Variants in FAR2 observed in about 807,000 individuals in gnomAD.
The protein encoded by FAR2 is fatty acyl-CoA reductase 2, also known as epididymis secretory protein Li 81.
Under a neutral mutation model 56.0 loss-of-function variants are expected in FAR2, and 19 were observed. The ratio of observed to expected loss-of-function variants is 0.34; its 90% confidence interval spans 0.24 to 0.50. The LOEUF is 0.50. FAR2 is among the 20% of genes least tolerant of loss of function. FAR2 has a pLI of 0.98. For synonymous variants in FAR2, 219 were observed against 218.8 expected (o/e 1.00, Z -0.01); for missense variants, 508 against 642.2 (o/e 0.79, Z 2.26).
At chr12:29,330,091 C>T (rs1382549521) in intron 10 of FAR2, among the ~76,000 whole-genome samples, 4 of 132,180 alleles carry the variant, frequency 3.0e-5, no homozygotes, top group Admixed American at 8.1e-5. Context: ...ATGTCTTGCT[C>T]TGTTGCCCAG....
In FAR2 at chr12:29,333,748, A is replaced by G; in HGVS notation, c.1502A>G (p.Tyr501Cys). Reference sequence around the variant, plus strand: ...TGGTTCTTCATTGTAAGCTTCTGTTATAAATTCCTCTCCTACTTTAGAGCA... The same window carrying G: ...TGGTTCTTCATTGTAAGCTTCTGTTGTAAATTCCTCTCCTACTTTAGAGCA... Reference protein sequence around the residue: ...NVWFFIVSFCYKFLSYFRASS... With the variant: ...NVWFFIVSFCCKFLSYFRASS... The change falls in exon 12 of 12, where the codon TAT becomes TGT. Residue 501 changes from tyrosine to cysteine, a missense_variant. By Grantham distance (194) the Tyr-to-Cys change is radical. Coordinates refer to ENST00000536681, the MANE Select transcript of FAR2 (RefSeq NM_001271783.2). The G allele has an allele frequency of 1.2e-6, 2 of 1,613,842 alleles. No homozygotes were observed. Among genetic ancestry groups the G allele is most frequent in the Non-Finnish European group, 1.7e-6 (2 of 1,179,782 alleles).
At chr12:29,166,650 C>T (rs1157200956) in intron 1 of FAR2, among the ~76,000 whole-genome samples, 1 of 152,198 alleles carries the variant, frequency 6.6e-6, no homozygotes, top group Non-Finnish European at 1.5e-5. Context: ...ATGCTTTGAC[C>T]TCACACTTTC....
intron 1 of FAR2, among the ~76,000 whole-genome samples, chr12:29,174,882 G>A (rs181673666): frequency 1.7e-4 from 26 of 152,308 alleles, no homozygotes; most frequent in African/African-American, 6.3e-4. Context: ...ATGGCCACAA[G>A]GTCAACCAAC....
At chr12:29,274,651 C>G (rs1050923020) in intron 2 of FAR2, among the ~76,000 whole-genome samples, 3 of 151,964 alleles carry the variant, frequency 2.0e-5, no homozygotes, top group Admixed American at 6.6e-5. Flanking sequence ...GACATTCCAC[C>G]ACAAAAGATG....
chr12:29,189,990 G>A (rs1176374412), intron 1 of FAR2, among the ~76,000 whole-genome samples: 1 of 152,106 alleles, frequency 6.6e-6, no homozygotes, highest in Non-Finnish European at 1.5e-5. Context: ...AGGAGAATGA[G>A]GGGAAATAGA....
At chr12:29,190,506 C>T (rs1417955403) in intron 1 of FAR2, among the ~76,000 whole-genome samples, 1 of 151,842 alleles carries the variant, frequency 6.6e-6, no homozygotes, top group Admixed American at 6.6e-5. Flanking sequence ...CTCTTGTTGC[C>T]CATGCTGGAG....
intron 1 of FAR2, among the ~76,000 whole-genome samples, chr12:29,265,128 T>A (rs1376205977): frequency 6.6e-6 from 1 of 152,198 alleles, no homozygotes; most frequent in Admixed American, 6.5e-5. Context: ...TTCAATGCCA[T>A]CCTTATCAAA....
intron 1 of FAR2, among the ~76,000 whole-genome samples, chr12:29,248,899 C>T (rs564914880): frequency 4.6e-5 from 7 of 152,324 alleles, no homozygotes; most frequent in South Asian, 2.1e-4. Flanking sequence ...GGCTCTGTTC[C>T]GCCCGGCTCA....
At chr12:29,182,821 A>G (rs1950003757) in intron 1 of FAR2, among the ~76,000 whole-genome samples, 1 of 152,194 alleles carries the variant, frequency 6.6e-6, no homozygotes, top group African/African-American at 2.4e-5. Context: ...CCTGAGCAGC[A>G]TAAGGGTTAT....
chr12:29,318,998 CT>C (rs1291768586), intron 9 of FAR2, among the ~76,000 whole-genome samples: 48 of 145,554 alleles, frequency 3.3e-4, no homozygotes, highest in Non-Finnish European at 4.9e-4. Flanking sequence ...TTTCTTTTTT[CT>C]TTTTTTTTTG....
chr12:29,271,542 C>G (rs917518106), intron 2 of FAR2, among the ~76,000 whole-genome samples: 6 of 152,210 alleles, frequency 3.9e-5, no homozygotes, highest in Non-Finnish European at 7.3e-5. Flanking sequence ...AATCTCCTTT[C>G]CAGTGTGTAG....
At chr12:29,221,019 G>C (rs545602539) in intron 1 of FAR2, among the ~76,000 whole-genome samples, 1 of 152,052 alleles carries the variant, frequency 6.6e-6, no homozygotes, top group Non-Finnish European at 1.5e-5. Flanking sequence ...GGCTACTGGC[G>C]CAGTGTGTTT....
chr12:29,210,572 G>A (rs142131655), intron 1 of FAR2, among the ~76,000 whole-genome samples: 9 of 152,208 alleles, frequency 5.9e-5, no homozygotes, highest in South Asian at 2.1e-4. Context: ...TGAATATTCC[G>A]CAGTGACTTA....
intron 1 of FAR2, among the ~76,000 whole-genome samples, chr12:29,266,113 T>C (rs2136700442): frequency 6.6e-6 from 1 of 152,196 alleles, no homozygotes; most frequent in South Asian, 2.1e-4. Context: ...TGGAGGTTCC[T>C]CAAAAAACAA....
intron 1 of FAR2, among the ~76,000 whole-genome samples, chr12:29,222,415 G>A (rs1370087398): frequency 6.6e-6 from 1 of 152,182 alleles, no homozygotes; most frequent in Non-Finnish European, 1.5e-5. Context: ...AGGGGAGAGA[G>A]AGTGAATTCA....
At chr12:29,327,681 T>C (rs1362708415) in intron 10 of FAR2, among the ~76,000 whole-genome samples, 1 of 152,136 alleles carries the variant, frequency 6.6e-6, no homozygotes, top group African/African-American at 2.4e-5. Flanking sequence ...TAAATGGTGC[T>C]GGGAAAACTG....
intron 1 of FAR2, among the ~76,000 whole-genome samples, chr12:29,170,740 C>T (rs1421234948): frequency 2.4e-5 from 2 of 82,040 alleles, no homozygotes; most frequent in African/African-American, 6.9e-5. Flanking sequence ...CTCTTTGTCT[C>T]TGTCTCTTCC....
chr12:29,258,047 G>C (rs921804121), intron 1 of FAR2, among the ~76,000 whole-genome samples: 1 of 151,934 alleles, frequency 6.6e-6, no homozygotes, highest in African/African-American at 2.4e-5. Flanking sequence ...CTTTTCCACC[G>C]ATAAAAATCA....
intron 8 of FAR2, among the ~76,000 whole-genome samples, chr12:29,315,243 T>C (rs1949426749): frequency 6.6e-6 from 1 of 152,064 alleles, no homozygotes; most frequent in Non-Finnish European, 1.5e-5. Context: ...ATATTCCAAG[T>C]TGAAGAAACA....
Sources: gnomAD v4.1 joint callset for allele counts (sites outside exome capture counted in the v4.1 genomes callset) on GRCh38, gnomAD v4.1.1 for gene constraint, MANE v1.5 for transcripts, NCBI Gene and HGNC (gene_info 2026-07-23, HGNC 2026-07-21) for gene names.